The following INF2 variants were observed in gnomAD, a reference collection of about 807,000 sequenced individuals.
INF2 encodes inverted formin 2.
INF2 carries 43 observed loss-of-function variants against 123.5 expected under a neutral mutation model. The ratio of observed to expected loss-of-function variants is 0.35; its 90% CI spans 0.27 to 0.45. The LOEUF is 0.45. INF2 is among the 20% of genes least tolerant of loss of function. INF2 has a pLI of 1.00. For missense variants in INF2, 1,453 were observed against 1,682.7 expected, an observed-to-expected ratio of 0.86 and a Z score of 2.39; for synonymous variants, 851 against 745.0, an observed-to-expected ratio of 1.14 and a Z score of -2.32.
At chr14:104,715,821 G>C in intron 22 of INF2, 1 of 462,046 alleles carries the variant, frequency 2.2e-6, no homozygotes, top group South Asian at 1.5e-5. Flanking sequence ...GCCTTCTGGG[G>C]CATGTCCCCA....
chr14:104,703,901 T>G lies in INF2; in HGVS notation c.668-15T>G. On this transcript the variant is annotated splice_polypyrimidine_tract_variant and intron_variant, in intron 4 of 22. Coordinates refer to ENST00000392634, the MANE Select transcript of INF2 (RefSeq NM_022489.4). ...GTGGCCTCCGAACCCTCTGACCCTG[T>G]CCGTCCCTTCCCAGGGCTGCAGCTG... 1.2e-6 allele frequency: 2 copies of G among 1,611,116 alleles called. No individual in the cohort carries two copies. The highest frequency in any genetic ancestry group is 2.2e-5 in the South Asian group (2 of 91,076).
chr14:104,685,059 G>A (rs1374363468), upstream of INF2: 2 of 152,190 alleles, frequency 1.3e-5, no homozygotes, highest in East Asian at 1.9e-4. Flanking sequence ...TCTTAAGCAA[G>A]TACTGGTTTT....
In INF2 at chr14:104,694,375, C is replaced by T. The variant is rs527470699; in HGVS notation, c.-10+4636C>T. On this transcript the variant is annotated intron_variant, in intron 1 of 22. Coordinates refer to ENST00000392634, the MANE Select transcript of INF2 (RefSeq NM_022489.4). ...ATCTTGTTTGCCCAGTTGGGCCTGA[C>T]GGGCTCCCTGGCACTGGCTGCCTGG... is the stretch of plus-strand genomic sequence containing the variant. Among the ~76,000 whole-genome samples, 9 of 152,334 alleles carry T rather than the reference C, an allele frequency of 5.9e-5. No individual in the cohort carries two copies. In the South Asian group the frequency reaches 1.4e-3, roughly 25 times the overall value.
At chr14:104,682,458 TGCAGTGGGGCGC>T (rs1157646492) in intron 1 of INF2, among the ~76,000 whole-genome samples, 2 of 152,128 alleles carry the variant, frequency 1.3e-5, no homozygotes, top group Non-Finnish European at 2.9e-5. Flanking sequence ...GGCAGCTGCC[TGCAGTGGGGCGC>T]GGGGCAGGGC....
intron 12 of INF2, 136 bp from the exon 13 acceptor site, chr14:104,709,952 T>C (rs1329338367): frequency 1.2e-6 from 1 of 812,436 alleles, no homozygotes; most frequent in East Asian, 2.7e-5. Flanking sequence ...CCCGGGAGGG[T>C]GCCTGTTGGA....
chr14:104,709,397 C>T lies in INF2; in HGVS notation c.2052+14C>T, dbSNP rs764509188. On this transcript the variant is annotated intron_variant, in intron 11 of 22. Coordinates refer to ENST00000392634, the MANE Select transcript of INF2 (RefSeq NM_022489.4). ...GAGAAGCACGAGGTAAGAGGACCAC[C>T]CCCACACCCCACCCCCAGTTAGTGC... 5.1e-6 allele frequency: 8 copies of T among 1,583,498 alleles called. No individual in the cohort carries two copies. Among genetic ancestry groups the T allele is most frequent in the African/African-American group, 1.3e-5 (1 of 74,348 alleles).
intron 1 of INF2, 115 bp downstream of exon 1, chr14:104,689,854 G>C (rs1213825789): frequency 1.2e-5 from 7 of 599,652 alleles, no homozygotes; most frequent in Non-Finnish European, 1.5e-5. Context: ...TGTGTGCCCA[G>C]GTGGCGGCGG....
intron 4 of INF2, 74 bp downstream of exon 4, chr14:104,703,528 T>A (rs1248126304): frequency 1.0e-5 from 16 of 1,577,108 alleles, no homozygotes; most frequent in Non-Finnish European, 1.2e-5. Flanking sequence ...TGCATCCACC[T>A]GGGGAGGTGG....
intron 1 of INF2, among the ~76,000 whole-genome samples, chr14:104,697,683 G>A (rs1889254797): frequency 6.6e-6 from 1 of 152,242 alleles, no homozygotes; most frequent in African/African-American, 2.4e-5. Context: ...AGGCCCAGAG[G>A]GGGACCCTGC....
Position 104,707,709 on chromosome 14 carries a change from C to A in INF2, c.1442C>A (p.Pro481Gln). 7.9e-7 allele frequency: 1 copy of A among 1,263,932 alleles called. No individual in the cohort carries two copies. Among genetic ancestry groups the A allele is most frequent in the Non-Finnish European group, 1.1e-6 (1 of 903,712 alleles). 78.3% of individuals were successfully genotyped at this position (1,263,932 alleles called of 1,614,324 possible). The change falls in exon 8 of 23, where the codon CCA (proline) becomes CAA (glutamine). Residue 481 changes from proline (P) to glutamine (Q), a missense_variant. Physicochemically the swap from Pro to Gln is moderately conservative, Grantham distance 76 (BLOSUM62 -1). Around this residue, in one of 8 missense-constraint regions of INF2, gnomAD observed 374 missense variants for 303.7 expected, o/e 1.23. Transcript: ENST00000392634. Reference sequence around the variant, plus strand: ...GCACCTCCTCTACCACCACCCCTGCCAGGCTCCTGTGAGTTCCTGCCCCCA... The same window carrying A: ...GCACCTCCTCTACCACCACCCCTGCAAGGCTCCTGTGAGTTCCTGCCCCCA... Reference protein sequence around the residue: ...PPAPPLPPPLPGSCEFLPPPP... With the variant: ...PPAPPLPPPLQGSCEFLPPPP...
intron 1 of INF2, among the ~76,000 whole-genome samples, chr14:104,693,521 G>A (rs1442025934): frequency 6.6e-6 from 1 of 152,172 alleles, no homozygotes; most frequent in African/African-American, 2.4e-5. Flanking sequence ...AGCAGTGGCC[G>A]CTGAGCACAC....
chr14:104,701,985 GCGGTCC>G (rs1374308098), intron 2 of INF2, among the ~76,000 whole-genome samples: 1 of 152,176 alleles, frequency 6.6e-6, no homozygotes, highest in African/African-American at 2.4e-5. Flanking sequence ...TGCTGCACCA[GCGGTCC>G]CCCTGTGCCC....
upstream of INF2, chr14:104,689,329 A>T (rs1311761998): frequency 4.5e-6 from 4 of 881,252 alleles, no homozygotes; most frequent in Non-Finnish European, 5.4e-6. Flanking sequence ...GACGGGGCGG[A>T]CAGTGGGGGC....
At position 104,707,691 on chromosome 14, in the gene INF2, C is replaced by T. The variant is rs1353030762; in HGVS notation, c.1424C>T (p.Pro475Leu). Residue 475 changes from proline (P) to leucine (L), a missense_variant, in exon 8 of 23, where the codon CCT (proline) becomes CTT (leucine). Around this residue, in one of 8 missense-constraint regions of INF2, gnomAD observed 374 missense variants for 303.7 expected, o/e 1.23. Coordinates refer to ENST00000392634, the MANE Select transcript of INF2 (RefSeq NM_022489.4). ...GLGAMAPPAP[P>L]LPPPLPGSCE... ...GGGGCCATGGCCCCCCCAGCACCTC[C>T]TCTACCACCACCCCTGCCAGGCTCC... 1 of 1,082,990 alleles carries T rather than the reference C, an allele frequency of 9.2e-7. No homozygotes were observed. Among genetic ancestry groups the T allele is most frequent in the South Asian group, 1.4e-5 (1 of 73,982 alleles). The allele number at this position is 1,082,990 out of a possible 1,614,324, so 67.1% of individuals were successfully genotyped here. A position where few individuals can be genotyped will look rare whatever the true frequency, so the allele number is the denominator to read the frequency against.
intron 22 of INF2, among the ~76,000 whole-genome samples, chr14:104,717,880 C>CT (rs1273156045): frequency 6.6e-6 from 1 of 152,138 alleles, no homozygotes; most frequent in Non-Finnish European, 1.5e-5. Flanking sequence ...GCGTTCCCCC[C>CT]TCCCCTCCCT....
chr14:104,694,938 G>C (rs4072285), intron 1 of INF2, among the ~76,000 whole-genome samples: 10 of 152,100 alleles, frequency 6.6e-5, no homozygotes, highest in Admixed American at 3.9e-4. Flanking sequence ...CCCTGAAGCC[G>C]GGGCCTGGCT....
At position 104,707,525 on chromosome 14, in the gene INF2, A is replaced by ACCCCCCCCCCCCCCCCCC; in HGVS notation, c.1262_1263insCCCCCCCCCCCCCCCCCC (p.Pro423_Pro428dup). ...CAGAGCCCTGGAGCAGCAGGCGTCC[A>ACCCCCCCCCCCCCCCCCC]CCCCACCCCCACCCCCACCCCCACC... On this transcript the variant is annotated inframe_insertion, in exon 8 of 23. Coordinates refer to ENST00000392634, the MANE Select transcript of INF2 (RefSeq NM_022489.4). The ACCCCCCCCCCCCCCCCCC allele has an allele frequency of 2.2e-6, 3 of 1,379,258 alleles. No individual in the cohort carries two copies. Among genetic ancestry groups the ACCCCCCCCCCCCCCCCCC allele is most frequent in the Non-Finnish European group, 2.9e-6 (3 of 1,047,164 alleles). The allele number at this position is 1,379,258 out of a possible 1,614,324, so 85.4% of individuals were successfully genotyped here.
chr14:104,700,093 A>G (rs904743474), intron 1 of INF2, among the ~76,000 whole-genome samples: 7 of 152,072 alleles, frequency 4.6e-5, no homozygotes, highest in South Asian at 2.1e-4. Context: ...CCTCCTGGGG[A>G]GGCAGGCGCT....
chr14:104,712,340 G>T, intron 16 of INF2, 93 bp from the exon 17 acceptor site: 2 of 1,535,832 alleles, frequency 1.3e-6, no homozygotes, highest in Admixed American at 1.8e-5. Flanking sequence ...GGTGCACAGT[G>T]GGGTGCCGGG....
Sources: allele counts gnomAD v4.1 joint callset (sites outside exome capture counted in the v4.1 genomes callset), GRCh38; gene constraint gnomAD v4.1.1; regional missense constraint gnomAD v4.1.1; transcripts MANE v1.5; gene names NCBI Gene and HGNC (gene_info 2026-07-23, HGNC 2026-07-21).